Variants in SCG2 observed in about 807,000 individuals in gnomAD.
The protein encoded by SCG2 is secretogranin II.
In SCG2, 23 loss-of-function variants were observed where a neutral mutation model predicts 49.5. That is an observed-to-expected ratio of 0.46 (90% CI 0.33 to 0.66). The LOEUF (loss-of-function observed/expected upper bound fraction) is 0.66. Among genes scored for constraint, SCG2 ranks in the 30% least tolerant of loss-of-function variants. The probability of loss-of-function intolerance (pLI) is 0.01; values close to 1 mark genes in which losing one functional copy is unlikely to be tolerated. For synonymous variants in SCG2, 288 were observed against 260.4 expected (o/e 1.11, Z -1.02); for missense variants, 730 against 728.2 (o/e 1.00, Z -0.03).
At position 223,597,613 on chromosome 2, in the gene SCG2, T is replaced by A. The variant is rs140282949; in HGVS notation, c.1670A>T (p.Gln557Leu). 6.0e-5 allele frequency: 97 copies of A among 1,613,992 alleles called. No individual in the cohort carries two copies. In the African/African-American group the frequency reaches 1.2e-3, roughly 21 times the overall value. ...CACCGGGGCCAGCTTGTCAGTCTCC[T>A]GAGAGCTGCCTTGATTCAAATGCTC... The part of the protein sequence containing the change: ...IKEHLNQGSS[Q>L]ETDKLAPVSK... The change falls in exon 2 of 2, where the codon CAG (glutamine) becomes CTG (leucine). Residue 557 changes from glutamine to leucine, a missense_variant. Transcript: ENST00000305409.
rs762312660 is a variant in SCG2, at chr2:223,597,597, C to T, written c.1686G>A (p.Leu562=). 6.2e-7 allele frequency: 1 copy of T among 1,614,074 alleles called. No individual in the cohort carries two copies. Among genetic ancestry groups the T allele is most frequent in the South Asian group, 1.1e-5 (1 of 91,058 alleles). ...CAGGGAACCTTTTGCTCACCGGGGC[C>T]AGCTTGTCAGTCTCCTGAGAGCTGC... ...NQGSSQETDK[L]APVSKRFPVG... is the part of the protein sequence containing the mutation. Residue 562 remains leucine (L), a synonymous_variant, in exon 2 of 2, where the codon CTG becomes CTA. Transcript: ENST00000305409.
At position 223,597,588 on chromosome 2, in the gene SCG2, C is replaced by T; in HGVS notation, c.1695G>A (p.Val565=). The part of the protein sequence containing the change: ...SSQETDKLAP[V]SKRFPVGPPK... ...GGGGCCCCACAGGGAACCTTTTGCT[C>T]ACCGGGGCCAGCTTGTCAGTCTCCT... The change falls in exon 2 of 2, where the codon GTG becomes GTA. Residue 565 remains valine (V), a synonymous_variant. Coordinates refer to ENST00000305409, the MANE Select transcript of SCG2 (RefSeq NM_003469.5). The T allele has an allele frequency of 1.2e-6, 2 of 1,614,102 alleles. No individual in the cohort carries two copies. The highest frequency in any genetic ancestry group is 8.5e-7 in the Non-Finnish European group (1 of 1,180,014).
chr2:223,598,556 C>T lies in SCG2; in HGVS notation c.727G>A (p.Asp243Asn), dbSNP rs867511376. 1 of 1,614,080 alleles carries T rather than the reference C, an allele frequency of 6.2e-7. No individual in the cohort carries two copies. Among genetic ancestry groups the T allele is most frequent in the Non-Finnish European group, 8.5e-7 (1 of 1,180,026 alleles). Reference protein sequence around the residue: ...IYKANNIAYEDVVGGEDWNPV... With the variant: ...IYKANNIAYENVVGGEDWNPV... ...TTCCAGTCTTCTCCCCCGACCACATCTTCATAGGCAATGTTATTAGCCTTG... is the reference window on the plus strand; with the variant it reads ...TTCCAGTCTTCTCCCCCGACCACATTTTCATAGGCAATGTTATTAGCCTTG... The change falls in exon 2 of 2, where the codon GAT becomes AAT. Residue 243 changes from aspartate (D) to asparagine (N), a missense_variant. Coordinates refer to ENST00000305409, the MANE Select transcript of SCG2 (RefSeq NM_003469.5).
rs369026813 is a variant in SCG2, at chr2:223,598,788, T to G, written c.495A>C (p.Gln165His). 20 of 1,613,998 alleles carry G rather than the reference T, an allele frequency of 1.2e-5. No individual in the cohort carries two copies. Among genetic ancestry groups the G allele is most frequent in the Non-Finnish European group, 1.4e-5 (17 of 1,180,038 alleles). The change falls in exon 2 of 2, where the codon CAA (glutamine) becomes CAC (histidine). Residue 165 changes from glutamine (Q) to histidine (H), a missense_variant. Physicochemically the swap from Gln to His is conservative, Grantham distance 24. Coordinates refer to ENST00000305409, the MANE Select transcript of SCG2 (RefSeq NM_003469.5). ...AATTCTCTTCATACATAGGAGGGAATTGCATGTGCTTAAGCTTTCTTTCTG... is the reference window on the plus strand; with the variant it reads ...AATTCTCTTCATACATAGGAGGGAAGTGCATGTGCTTAAGCTTTCTTTCTG... ...QWPERKLKHM[Q>H]FPPMYEENSR...
chr2:223,596,958 T>C lies in SCG2; in HGVS notation c.*471A>G, dbSNP rs536545550. On this transcript the variant is annotated 3_prime_UTR_variant, in exon 2 of 2. Coordinates refer to ENST00000305409, the MANE Select transcript of SCG2 (RefSeq NM_003469.5). ...TCCAAAGTTGTCCAGAAATAACATTTATTAATCAACAGTAAAACACACAAT... is the reference window on the plus strand; with the variant it reads ...TCCAAAGTTGTCCAGAAATAACATTCATTAATCAACAGTAAAACACACAAT... 140 of 152,844 alleles carry C rather than the reference T, an allele frequency of 9.2e-4. 1 individual carries two copies. Among genetic ancestry groups the C allele is most frequent in the Non-Finnish European group, 1.2e-4 (8 of 68,090 alleles). 9.5% of individuals were successfully genotyped at this position (152,844 alleles called of 1,614,324 possible). A position where few individuals can be genotyped will look rare whatever the true frequency, so the allele number is the denominator to read the frequency against.
rs1691402013 is a variant in SCG2, at chr2:223,602,268, G to C, written c.-15+17C>G. 6.6e-6 allele frequency: 1 copy of C among 152,126 alleles called. No individual in the cohort carries two copies. Among genetic ancestry groups the C allele is most frequent in the Non-Finnish European group, 1.5e-5 (1 of 68,036 alleles). 9.4% of individuals were successfully genotyped at this position (152,126 alleles called of 1,614,324 possible). On this transcript the variant is annotated intron_variant, in intron 1 of 1. Coordinates refer to ENST00000305409, the MANE Select transcript of SCG2 (RefSeq NM_003469.5). ...ATTTGGAACTTTCCAATAAATCAAAGAGAAAAGCAGCCTTACCTCTTTTTG... is the reference window on the plus strand; with the variant it reads ...ATTTGGAACTTTCCAATAAATCAAACAGAAAAGCAGCCTTACCTCTTTTTG...
At position 223,598,241 on chromosome 2, in the gene SCG2, T is replaced by C. The variant is rs556268610; in HGVS notation, c.1042A>G (p.Ile348Val). ...LFEKPLDSQS[I>V]YQLIEISRNL... The stretch of plus-strand genomic sequence containing the variant: ...CTTGAGATTTCAATCAGCTGATAAA[T>C]AGACTGAGAATCAAGAGGTTTCTCA... Residue 348 changes from isoleucine (I) to valine (V), a missense_variant, in exon 2 of 2, where the codon ATT becomes GTT. Physicochemically the swap from Ile to Val is conservative, Grantham distance 29 (BLOSUM62 3). Coordinates refer to ENST00000305409, the MANE Select transcript of SCG2 (RefSeq NM_003469.5). The C allele has an allele frequency of 1.5e-5, 25 of 1,614,166 alleles. 1 individual carries two copies. In the South Asian group the frequency reaches 2.3e-4, roughly 15 times the overall value.
At position 223,597,580 on chromosome 2, in the gene SCG2, C is replaced by G. The variant is rs1691317186; in HGVS notation, c.1703G>C (p.Arg568Thr). The change falls in exon 2 of 2, where the codon AGG (arginine) becomes ACG (threonine). Residue 568 changes from arginine (R) to threonine (T), a missense_variant. By Grantham distance (71) the Arg-to-Thr change is moderately conservative (BLOSUM62 -1). Transcript: ENST00000305409. ...ATTCTTCGGGGGCCCCACAGGGAAC[C>G]TTTTGCTCACCGGGGCCAGCTTGTC... The part of the protein sequence containing the change: ...ETDKLAPVSK[R>T]FPVGPPKNDD... 6.2e-7 allele frequency: 1 copy of G among 1,614,002 alleles called. No individual in the cohort carries two copies. The highest frequency in any genetic ancestry group is 1.3e-5 in the African/African-American group (1 of 74,894).
chr2:223,597,880 T>C lies in SCG2; in HGVS notation c.1403A>G (p.Tyr468Cys). The stretch of plus-strand genomic sequence containing the variant: ...GTTCGATCTAGATCTTCCAGCACCA[T>C]AAGGGAGCCTTGGCAGAACTTTCTC... ...NQEKVLPRLP[Y>C]GAGRSRSNQL... The change falls in exon 2 of 2, where the codon TAT (tyrosine) becomes TGT (cysteine). Residue 468 changes from tyrosine (Y) to cysteine (C), a missense_variant. Physicochemically the swap from Tyr to Cys is radical, Grantham distance 194. Transcript: ENST00000305409. 6.2e-7 allele frequency: 1 copy of C among 1,614,154 alleles called. No homozygotes were observed. Among genetic ancestry groups the C allele is most frequent in the Non-Finnish European group, 8.5e-7 (1 of 1,180,038 alleles).
Position 223,598,011 on chromosome 2 carries a change from A to T in SCG2, c.1272T>A (p.Thr424=), listed in dbSNP as rs142679373. The change falls in exon 2 of 2, where the codon ACT becomes ACA. Residue 424 remains threonine (T), a synonymous_variant. Transcript: ENST00000305409. ...CACTGAGCCCGTCTGGTAGGGCCTCAGTCCCAGCACGACCAGGTGTTTTAG... is the reference window on the plus strand; with the variant it reads ...CACTGAGCCCGTCTGGTAGGGCCTCTGTCCCAGCACGACCAGGTGTTTTAG... ...GYPKTPGRAG[T]EALPDGLSVE... 1.2e-4 allele frequency: 191 copies of T among 1,613,594 alleles called. No individual in the cohort carries two copies. The African/African-American group carries it at 2.4e-3, about 21-fold the overall frequency.
rs1051811550 is a variant in SCG2, at chr2:223,597,742, T to C, written c.1541A>G (p.Lys514Arg). Residue 514 changes from lysine (K) to arginine (R), a missense_variant, in exon 2 of 2, where the codon AAA (lysine) becomes AGA (arginine). Transcript: ENST00000305409. The stretch of plus-strand genomic sequence containing the variant: ...GTTTGAATTAATGATCTCAGGGTAT[T>C]TAACTAGCATCCTGGCCAAGTACTC... Reference protein sequence around the residue: ...LGEYLARMLVKYPEIINSNQV... With the variant: ...LGEYLARMLVRYPEIINSNQV... 6.2e-7 allele frequency: 1 copy of C among 1,614,006 alleles called. No homozygotes were observed. The highest frequency in any genetic ancestry group is 1.3e-5 in the African/African-American group (1 of 74,904).
chr2:223,598,530 G>A lies in SCG2; in HGVS notation c.753C>T (p.Asn251=), dbSNP rs764709664. The A allele has an allele frequency of 1.2e-6, 2 of 1,613,800 alleles. No homozygotes were observed. Among genetic ancestry groups the A allele is most frequent in the Non-Finnish European group, 1.7e-6 (2 of 1,180,006 alleles). ...GACTCTCTATTTTCTCCTCTACTGGGTTCCAGTCTTCTCCCCCGACCACAT... is the reference window on the plus strand; with the variant it reads ...GACTCTCTATTTTCTCCTCTACTGGATTCCAGTCTTCTCCCCCGACCACAT... ...YEDVVGGEDW[N]PVEEKIESQT... The change falls in exon 2 of 2, where the codon AAC becomes AAT. Residue 251 remains asparagine, a synonymous_variant. Transcript: ENST00000305409.
chr2:223,599,722 A>G lies in SCG2; in HGVS notation c.-14-426T>C, dbSNP rs149916753. ...AAATAATGTGTTGGCTTAATTTAAA[A>G]CATGCATTTACACATACGCGCCCAC... On this transcript the variant is annotated intron_variant, in intron 1 of 1. Coordinates refer to ENST00000305409, the MANE Select transcript of SCG2 (RefSeq NM_003469.5). 7.3e-4 allele frequency among the ~76,000 whole-genome samples: 111 copies of G among 152,330 alleles called. 2 individuals carry two copies. The East Asian group carries it at 0.017, about 24-fold the overall frequency.
At position 223,598,136 on chromosome 2, in the gene SCG2, G is replaced by A. The variant is rs149957287; in HGVS notation, c.1147C>T (p.Arg383Trp). The change falls in exon 2 of 2, where the codon CGG (arginine) becomes TGG (tryptophan). Residue 383 changes from arginine (R) to tryptophan (W), a missense_variant. Physicochemically the swap from Arg to Trp is moderately radical, Grantham distance 101. Transcript: ENST00000305409. ...AGGTCAACAGGAAGGTCAAGCTCCC[G>A]CTCCGGTTCCACTGATCCATTCGGC... ...EKPNGSVEPE[R>W]ELDLPVDLDD... 1.7e-5 allele frequency: 28 copies of A among 1,611,886 alleles called. No individual in the cohort carries two copies. Among genetic ancestry groups the A allele is most frequent in the African/African-American group, 6.7e-5 (5 of 74,744 alleles).
chr2:223,598,531 T>C lies in SCG2; in HGVS notation c.752A>G (p.Asn251Ser), dbSNP rs1044403090. Residue 251 changes from asparagine (N) to serine (S), a missense_variant, in exon 2 of 2, where the codon AAC becomes AGC. Asn to Ser is a conservative substitution (Grantham distance 46, BLOSUM62 1). Coordinates refer to ENST00000305409, the MANE Select transcript of SCG2 (RefSeq NM_003469.5). ...YEDVVGGEDW[N>S]PVEEKIESQT... ...ACTCTCTATTTTCTCCTCTACTGGG[T>C]TCCAGTCTTCTCCCCCGACCACATC... The C allele has an allele frequency of 1.2e-6, 2 of 1,613,970 alleles. No individual in the cohort carries two copies. Among genetic ancestry groups the C allele is most frequent in the Non-Finnish European group, 1.7e-6 (2 of 1,180,026 alleles).
Position 223,598,662 on chromosome 2 carries a change from T to C in SCG2, c.621A>G (p.Lys207=). 1.2e-6 allele frequency: 2 copies of C among 1,614,090 alleles called. No individual in the cohort carries two copies. Among genetic ancestry groups the C allele is most frequent in the South Asian group, 2.2e-5 (2 of 91,078 alleles). ...TLESVFQELG[K]LTGPNNQKRE... is the part of the protein sequence containing the mutation. ...GTTTCTGGTTGTTTGGTCCTGTCAG[T>C]TTCCCCAGCTCTTGGAAGACAGATT... The change falls in exon 2 of 2, where the codon AAA becomes AAG. Residue 207 remains lysine, a synonymous_variant. Transcript: ENST00000305409.
At position 223,599,118 on chromosome 2, in the gene SCG2, C is replaced by G; in HGVS notation, c.165G>C (p.Met55Ile). 1 of 1,614,066 alleles carries G rather than the reference C, an allele frequency of 6.2e-7. No individual in the cohort carries two copies. Among genetic ancestry groups the G allele is most frequent in the Non-Finnish European group, 8.5e-7 (1 of 1,179,978 alleles). Residue 55 changes from methionine (M) to isoleucine (I), a missense_variant, in exon 2 of 2, where the codon ATG becomes ATC. Physicochemically the swap from Met to Ile is conservative, Grantham distance 10 (BLOSUM62 1). Coordinates refer to ENST00000305409, the MANE Select transcript of SCG2 (RefSeq NM_003469.5). Reference protein sequence around the residue: ...ENVQKFPSPEMIRALEYIENL... With the variant: ...ENVQKFPSPEIIRALEYIENL... ...TTTCTATGTACTCCAAAGCCCTGAT[C>G]ATTTCAGGACTGGGAAACTTTTGGA...
chr2:223,597,249 A>G lies in SCG2; in HGVS notation c.*180T>C, dbSNP rs532047549. On this transcript the variant is annotated 3_prime_UTR_variant, in exon 2 of 2. Coordinates refer to ENST00000305409, the MANE Select transcript of SCG2 (RefSeq NM_003469.5). Reference sequence around the variant, plus strand: ...GGAGTCATAACATTTACACATATCCATACACAAGATAACAGCTCAGAGGAA... The same window carrying G: ...GGAGTCATAACATTTACACATATCCGTACACAAGATAACAGCTCAGAGGAA... 3.1e-5 allele frequency: 20 copies of G among 644,932 alleles called. No individual in the cohort carries two copies. The South Asian group carries it at 5.9e-4, about 19-fold the overall frequency. The allele number at this position is 644,932 out of a possible 1,614,324, so 40.0% of individuals were successfully genotyped here.
Position 223,597,948 on chromosome 2 carries a change from T to A in SCG2, c.1335A>T (p.Ala445=). Residue 445 remains alanine (A), a synonymous_variant, in exon 2 of 2, where the codon GCA becomes GCT. Coordinates refer to ENST00000305409, the MANE Select transcript of SCG2 (RefSeq NM_003469.5). ...GAAAATACGACGTTTTCTGATTTGCTGCACTCTCCATCCCTAAAAGATTTA... is the reference window on the plus strand; with the variant it reads ...GAAAATACGACGTTTTCTGATTTGCAGCACTCTCCATCCCTAAAAGATTTA... ...DILNLLGMES[A]ANQKTSYFPN... is the part of the protein sequence containing the mutation. The A allele has an allele frequency of 6.2e-7, 1 of 1,614,162 alleles. No individual in the cohort carries two copies.
Sources: gnomAD v4.1 joint callset for allele counts (sites outside exome capture counted in the v4.1 genomes callset) on GRCh38, gnomAD v4.1.1 for gene constraint, MANE v1.5 for transcripts, NCBI Gene and HGNC (gene_info 2026-07-23, HGNC 2026-07-21) for gene names.